Variants in PXYLP1 observed in about 807,000 individuals in gnomAD.
The protein encoded by PXYLP1 is acid phosphatase-like 2.
Under a neutral mutation model 37.9 loss-of-function variants are expected in PXYLP1, and 17 were observed. That is an observed-to-expected ratio of 0.45 (90% CI 0.31 to 0.67). The LOEUF is 0.67. Ranked by LOEUF, PXYLP1 falls within the 30% of genes least tolerant of loss-of-function variation. The pLI is 0.07. For synonymous variants in PXYLP1, 221 were observed against 232.2 expected, an observed-to-expected ratio of 0.95 and a Z score of 0.44; for missense variants, 511 against 612.0, an observed-to-expected ratio of 0.84 and a Z score of 1.74.
rs566227346 is a variant in PXYLP1, at chr3:141,292,119, G to A, written c.506-149G>A. 33 of 735,004 alleles carry A rather than the reference G, an allele frequency of 4.5e-5. No individual in the cohort carries two copies. Among genetic ancestry groups the A allele is most frequent in the Middle Eastern group, 4.0e-4 (1 of 2,482 alleles). The allele number at this position is 735,004 out of a possible 1,614,324, so 45.5% of individuals were successfully genotyped here. On this transcript the variant is annotated intron_variant, in intron 5 of 5. Transcript: ENST00000286353. The surrounding 1 kb of genome is among the most constrained non-coding windows in gnomAD (Gnocchi z 4.3). ...TCCCTTCACAAGCTGTTGTGAACTC[G>A]AGCTTGTAACTTCCACACCATGGGG...
intron 2 of PXYLP1, chr3:141,262,206 G>A: frequency 2.3e-6 from 2 of 867,480 alleles, no homozygotes; most frequent in Non-Finnish European, 1.4e-6. Flanking sequence ...ATTTCTAATA[G>A]TAAAAAGAAT....
intron 4 of PXYLP1, among the ~76,000 whole-genome samples, chr3:141,280,021 G>A (rs1247797574): frequency 1.3e-5 from 2 of 152,238 alleles, no homozygotes; most frequent in African/African-American, 2.4e-5. Flanking sequence ...TTTCACTGGA[G>A]TAGAGGCAGC....
intron 2 of PXYLP1, among the ~76,000 whole-genome samples, chr3:141,275,900 G>C (rs1375680308): frequency 6.6e-6 from 1 of 152,004 alleles, no homozygotes; most frequent in East Asian, 1.9e-4. Flanking sequence ...TACATATGCA[G>C]TCATGTACCA....
chr3:141,242,217 G>C (rs919217730), intron 1 of PXYLP1, among the ~76,000 whole-genome samples: 1 of 152,096 alleles, frequency 6.6e-6, no homozygotes, highest in African/African-American at 2.4e-5. Flanking sequence ...ACATGCCCTC[G>C]AGGACACATT....
chr3:141,247,218 T>C (rs1249509739), intron 1 of PXYLP1, among the ~76,000 whole-genome samples: 1 of 152,198 alleles, frequency 6.6e-6, no homozygotes, highest in Non-Finnish European at 1.5e-5. Flanking sequence ...AGAGGCATAA[T>C]GTGAGGGCTT....
intron 1 of PXYLP1, among the ~76,000 whole-genome samples, chr3:141,246,316 C>T (rs922870571): frequency 6.6e-6 from 1 of 152,144 alleles, no homozygotes; most frequent in African/African-American, 2.4e-5. Context: ...TAGGGTCAGT[C>T]GCAGGAGACA....
At chr3:141,273,870 C>T in intron 2 of PXYLP1, 2 of 985,276 alleles carry the variant, frequency 2.0e-6, no homozygotes, top group Non-Finnish European at 2.4e-6. Context: ...TATCTCGTAT[C>T]CTGTTATTCG....
intron 2 of PXYLP1, among the ~76,000 whole-genome samples, chr3:141,276,670 T>A (rs1941803522): frequency 6.6e-6 from 1 of 152,204 alleles, no homozygotes; most frequent in Admixed American, 6.5e-5. Context: ...CAGAATGGAT[T>A]CCAAGACGTA....
At chr3:141,255,367 A>G (rs144446295) in intron 1 of PXYLP1, among the ~76,000 whole-genome samples, 152 of 152,372 alleles carry the variant, frequency 1.0e-3, no homozygotes, top group African/African-American at 3.6e-3. Flanking sequence ...GCCTGGACAT[A>G]TAACAGTTGT....
intron 5 of PXYLP1, among the ~76,000 whole-genome samples, chr3:141,290,571 G>T (rs1191905540): frequency 1.3e-5 from 2 of 152,180 alleles, no homozygotes; most frequent in Non-Finnish European, 2.9e-5. Context: ...GCCCTGGGAG[G>T]ATTTCCCTAG....
intron 1 of PXYLP1, 90 bp from the exon 2 acceptor site, chr3:141,260,033 A>T: frequency 1.1e-6 from 1 of 875,884 alleles, no homozygotes; most frequent in Non-Finnish European, 1.8e-6. Context: ...TAATCAGATT[A>T]TTATCAGTTG....
intron 2 of PXYLP1, among the ~76,000 whole-genome samples, chr3:141,261,850 T>C (rs764068184): frequency 6.6e-6 from 1 of 152,264 alleles, no homozygotes; most frequent in African/African-American, 2.4e-5. Context: ...TTCCTTCTGT[T>C]GCTGTGTATT....
chr3:141,250,650 C>T (rs1941120677), intron 1 of PXYLP1, among the ~76,000 whole-genome samples: 1 of 152,238 alleles, frequency 6.6e-6, no homozygotes, highest in South Asian at 2.1e-4. Flanking sequence ...AGAGTTATCC[C>T]TTCTGCCTTT....
At position 141,279,307 on chromosome 3, in the gene PXYLP1, C is replaced by T. The variant is rs559691268; in HGVS notation, c.239-71C>T. Reference sequence around the variant, plus strand: ...CCCAGCCCAAATGTGGCCAGGTCATCCCCTTGGCCCCCTTCTAAAAGGATT... The same window carrying T: ...CCCAGCCCAAATGTGGCCAGGTCATTCCCTTGGCCCCCTTCTAAAAGGATT... On this transcript the variant is annotated intron_variant, in intron 3 of 5. Transcript: ENST00000286353. 259 of 1,571,582 alleles carry T rather than the reference C, an allele frequency of 1.6e-4. 2 individuals are homozygous for T. In the East Asian group the frequency reaches 5.8e-3, roughly 35 times the overall value.
intron 1 of PXYLP1, among the ~76,000 whole-genome samples, chr3:141,244,278 C>T (rs1487460143): frequency 6.6e-6 from 1 of 152,198 alleles, no homozygotes; most frequent in East Asian, 1.9e-4. Flanking sequence ...ACACCTGCTT[C>T]AAGCCATTCA....
intron 1 of PXYLP1, among the ~76,000 whole-genome samples, chr3:141,233,463 C>CA (rs5853024): frequency 0.019 from 1,467 of 79,168 alleles, 12 homozygotes; most frequent in Middle Eastern, 0.037. Flanking sequence ...AAAACCCTGT[C>CA]AAAAAAAAAA....
chr3:141,283,362 G>A (rs956835652), intron 4 of PXYLP1, among the ~76,000 whole-genome samples: 1 of 152,062 alleles, frequency 6.6e-6, no homozygotes, highest in Non-Finnish European at 1.5e-5. Flanking sequence ...GCATGTTGAT[G>A]GCATTTGAAG....
At chr3:141,262,574 T>C (rs987884334) in intron 2 of PXYLP1, 1 of 1,335,308 alleles carries the variant, frequency 7.5e-7, no homozygotes, top group Non-Finnish European at 1.0e-6. Flanking sequence ...AAGTACCTTC[T>C]GTTTTAGGAA....
rs1181207122 is a variant in PXYLP1, at chr3:141,231,831, C to T, written c.-134C>T. On this transcript the variant is annotated 5_prime_UTR_variant, in exon 1 of 6. Coordinates refer to ENST00000286353, the MANE Select transcript of PXYLP1 (RefSeq NM_001037172.3). This position sits in a 1 kb window ranked among gnomAD's most constrained non-coding sequence, Gnocchi z 4.4. ...GCGGGTGCGCGCCGCCCTCGCCTCCCCTCGCGCCGGGAGGAGCTGGCGGCG... is the reference window on the plus strand; with the variant it reads ...GCGGGTGCGCGCCGCCCTCGCCTCCTCTCGCGCCGGGAGGAGCTGGCGGCG... The T allele has an allele frequency of 4.6e-5, 7 of 150,672 alleles. No homozygotes were observed. The South Asian group carries it at 8.3e-4, about 18-fold the overall frequency. The allele number at this position is 150,672 out of a possible 1,614,324, so 9.3% of individuals were successfully genotyped here. A position where few individuals can be genotyped will look rare whatever the true frequency, so the allele number is the denominator to read the frequency against.
Sources: allele counts gnomAD v4.1 joint callset (sites outside exome capture counted in the v4.1 genomes callset), GRCh38; gene constraint gnomAD v4.1.1; non-coding constraint Gnocchi (gnomAD v3.1); transcripts MANE v1.5; gene names NCBI Gene and HGNC (gene_info 2026-07-23, HGNC 2026-07-21).